Variants in LRBA observed in about 807,000 individuals in gnomAD.
LRBA encodes the protein lipopolysaccharide-responsive and beige-like anchor protein.
In LRBA, 176 loss-of-function variants were observed where a neutral mutation model predicts 330.0. The observed-to-expected ratio is 0.53, with a 90% CI of 0.47 to 0.60. The LOEUF is 0.60. LRBA is among the 20% of genes least tolerant of loss of function. The pLI is 0.00. For missense variants in LRBA, 3,259 were observed against 3,444.8 expected (o/e 0.95, Z 1.35); for synonymous variants, 1,230 against 1,193.0 (o/e 1.03, Z -0.64).
intron 36 of LRBA, 23 bp downstream of exon 36, chr4:150,735,235 C>T: frequency 3.2e-6 from 5 of 1,543,036 alleles, no homozygotes; most frequent in Non-Finnish European, 4.5e-6. Flanking sequence ...AACTTCCGCA[C>T]ACCAACCATA....
intron 29 of LRBA, 106 bp downstream of exon 29, chr4:150,831,711 A>G: frequency 3.5e-6 from 3 of 863,504 alleles, no homozygotes; most frequent in Non-Finnish European, 5.1e-6. Flanking sequence ...CTCTCCCTTA[A>G]TTTGCACAGA....
At chr4:150,519,795 A>T (rs1762733886) in intron 40 of LRBA, among the ~76,000 whole-genome samples, 1 of 152,126 alleles carries the variant, frequency 6.6e-6, no homozygotes, top group African/African-American at 2.4e-5. Context: ...AAACAGTTGC[A>T]CTATTTTACA....
chr4:150,484,379 T>C (rs1757632932), intron 42 of LRBA, among the ~76,000 whole-genome samples: 1 of 152,036 alleles, frequency 6.6e-6, no homozygotes, highest in Admixed American at 6.6e-5. Flanking sequence ...TCATTAGTGA[T>C]ATTTGATAGC....
At chr4:151,000,596 C>A (rs1215137059) in intron 2 of LRBA, among the ~76,000 whole-genome samples, 1 of 152,166 alleles carries the variant, frequency 6.6e-6, no homozygotes, top group Admixed American at 6.6e-5. Context: ...ATACGTAGAG[C>A]ATGGATACGC....
intron 37 of LRBA, among the ~76,000 whole-genome samples, chr4:150,653,258 CA>C: frequency 6.6e-6 from 1 of 152,266 alleles, no homozygotes; most frequent in South Asian, 2.1e-4. Context: ...ATATGATTCT[CA>C]AAATATTAGG....
At chr4:150,492,411 G>A (rs996307183) in intron 40 of LRBA, among the ~76,000 whole-genome samples, 7 of 152,008 alleles carry the variant, frequency 4.6e-5, no homozygotes, top group African/African-American at 1.5e-4. Context: ...TATAATCAAC[G>A]CCTATGTAAA....
intron 48 of LRBA, among the ~76,000 whole-genome samples, chr4:150,345,433 ATTCT>A (rs1195724053): frequency 2.0e-5 from 3 of 152,162 alleles, no homozygotes; most frequent in African/African-American, 7.2e-5. Flanking sequence ...ATGTTTTATG[ATTCT>A]TTCTATGATC....
At position 150,934,023 on chromosome 4, in the gene LRBA, C is replaced by CA. The variant is rs1020009328; in HGVS notation, c.217-4959dup. On this transcript the variant is annotated intron_variant, in intron 2 of 56. Transcript: ENST00000651943. ...TGGGCGACAGGGCAAGACCCTGTCT[C>CA]AAAAAAAAAAAAGCAAATGCACAAA... Among the ~76,000 whole-genome samples the CA allele has an allele frequency of 4.6e-3, 532 of 115,620 alleles. 3 individuals carry two copies. The highest frequency in any genetic ancestry group is 6.2e-3 in the Non-Finnish European group (335 of 54,094). The allele number at this position is 115,620 out of a possible 152,430, so 75.9% of individuals were successfully genotyped here. A position where few individuals can be genotyped will look rare whatever the true frequency, so the allele number is the denominator to read the frequency against.
intron 37 of LRBA, among the ~76,000 whole-genome samples, chr4:150,602,319 CAGTT>C (rs1774203810): frequency 6.6e-6 from 1 of 152,154 alleles, no homozygotes; most frequent in Admixed American, 6.6e-5. Context: ...TATAATCAAA[CAGTT>C]AGCTATTAGT....
At chr4:150,639,775 A>G (rs888821850) in intron 37 of LRBA, among the ~76,000 whole-genome samples, 7 of 5,060 alleles carry the variant, frequency 1.4e-3, no homozygotes, top group African/African-American at 3.6e-3. Flanking sequence ...ATATATATAT[A>G]TATATATGTG....
At chr4:150,758,163 G>A (rs113996104) in intron 35 of LRBA, among the ~76,000 whole-genome samples, 2,190 of 152,314 alleles carry the variant, frequency 0.014, 29 homozygotes, top group Non-Finnish European at 0.023. Context: ...TTACAAGAGA[G>A]GAACTCTGAG....
At position 150,585,926 on chromosome 4, in the gene LRBA, A is replaced by C. The variant is rs1581748262; in HGVS notation, c.6330+2122T>G. 2.0e-5 allele frequency among the ~76,000 whole-genome samples: 3 copies of C among 152,162 alleles called. No individual in the cohort carries two copies. In the South Asian group the frequency reaches 6.2e-4, roughly 32 times the overall value. ...CTAGTTCACTTGACAAACAGGCTTA[A>C]GTTGTGTAAGATTCCTTGGTAAAAA... is the stretch of plus-strand genomic sequence containing the variant. On this transcript the variant is annotated intron_variant, in intron 40 of 56. Transcript: ENST00000651943.
chr4:150,439,550 TCAGCTTACTCA>T (rs1439378456), intron 44 of LRBA, among the ~76,000 whole-genome samples: 3 of 152,034 alleles, frequency 2.0e-5, no homozygotes, highest in Non-Finnish European at 4.4e-5. Context: ...TGATACACTA[TCAGCTTACTCA>T]GAGAAGTTAC....
At chr4:150,752,145 T>C (rs1733645233) in intron 35 of LRBA, among the ~76,000 whole-genome samples, 1 of 152,188 alleles carries the variant, frequency 6.6e-6, no homozygotes, top group African/African-American at 2.4e-5. Context: ...CTTCCAAAGA[T>C]TTTCTTCCAT....
chr4:150,625,947 C>T (rs1004903546), intron 37 of LRBA, among the ~76,000 whole-genome samples: 5 of 151,808 alleles, frequency 3.3e-5, no homozygotes, highest in East Asian at 3.9e-4. Context: ...TGACCTCAGC[C>T]CCCCAAAGTG....
At chr4:150,464,433 C>T (rs1755177683) in intron 44 of LRBA, among the ~76,000 whole-genome samples, 1 of 152,022 alleles carries the variant, frequency 6.6e-6, no homozygotes, top group African/African-American at 2.4e-5. Context: ...TACTGCATGG[C>T]TCATTACACA....
chr4:151,005,492 C>G (rs985091864), intron 2 of LRBA, among the ~76,000 whole-genome samples: 5 of 140,046 alleles, frequency 3.6e-5, no homozygotes, highest in African/African-American at 1.4e-4. Flanking sequence ...TAGATGAGAG[C>G]TAATGAATGA....
intron 35 of LRBA, among the ~76,000 whole-genome samples, chr4:150,740,657 A>AG (rs1170357765): frequency 1.3e-5 from 2 of 151,620 alleles, no homozygotes; most frequent in African/African-American, 2.4e-5. Context: ...AAAAAAAAAA[A>AG]AAGTTAAAAC....
intron 5 of LRBA, among the ~76,000 whole-genome samples, chr4:150,920,115 T>C (rs763609310): frequency 2.6e-5 from 4 of 152,222 alleles, no homozygotes; most frequent in Non-Finnish European, 4.4e-5. Context: ...ATCACAAATG[T>C]CATATTAAAA....
Sources: gnomAD v4.1 joint callset for allele counts (sites outside exome capture counted in the v4.1 genomes callset) on GRCh38, gnomAD v4.1.1 for gene constraint, MANE v1.5 for transcripts, NCBI Gene and HGNC (gene_info 2026-07-23, HGNC 2026-07-21) for gene names.